Variants in FHIT observed in about 807,000 individuals in gnomAD.
FHIT encodes bis(5'-adenosyl)-triphosphatase.
FHIT carries 19 observed loss-of-function variants against 17.9 expected under a neutral mutation model. The ratio of observed to expected loss-of-function variants is 1.06; its 90% confidence interval spans 0.74 to 1.56. The LOEUF (loss-of-function observed/expected upper bound fraction) is 1.56. Among genes scored for constraint, FHIT ranks in the 40% most tolerant of loss-of-function variants. The pLI is 0.00. For missense variants in FHIT, 248 were observed against 189.2 expected (o/e 1.31, Z -1.82); for synonymous variants, 81 against 69.7 (o/e 1.16, Z -0.81).
chr3:60,204,536 C>A (rs1206713995), intron 5 of FHIT, among the ~76,000 whole-genome samples: 3 of 151,738 alleles, frequency 2.0e-5, no homozygotes, highest in African/African-American at 7.3e-5. Flanking sequence ...AGCAATCTTC[C>A]TGCCTCGGCC....
chr3:60,180,250 G>A (rs989808874), intron 5 of FHIT, among the ~76,000 whole-genome samples: 1 of 152,176 alleles, frequency 6.6e-6, no homozygotes, highest in Non-Finnish European at 1.5e-5. Flanking sequence ...TAAATGAAAA[G>A]TAGAAAAAAT....
At chr3:60,547,026 A>G (rs977836609) in intron 4 of FHIT, among the ~76,000 whole-genome samples, 5 of 152,242 alleles carry the variant, frequency 3.3e-5, no homozygotes, top group African/African-American at 1.2e-4. Flanking sequence ...AAAGCATTAA[A>G]AAGATTAAGA....
At chr3:61,090,055 G>C (rs955514050) in intron 2 of FHIT, among the ~76,000 whole-genome samples, 3 of 152,030 alleles carry the variant, frequency 2.0e-5, no homozygotes, top group African/African-American at 7.2e-5. Context: ...AAATCAAAGA[G>C]GTTTTTATAA....
chr3:60,284,030 G>C (rs992171500), intron 5 of FHIT, among the ~76,000 whole-genome samples: 1 of 151,930 alleles, frequency 6.6e-6, no homozygotes, highest in Non-Finnish European at 1.5e-5. Context: ...CCCAGGGTCA[G>C]TATGAATTAA....
intron 2 of FHIT, among the ~76,000 whole-genome samples, chr3:61,128,585 G>A (rs752362652): frequency 6.6e-6 from 1 of 152,032 alleles, no homozygotes; most frequent in Non-Finnish European, 1.5e-5. Flanking sequence ...TCCTAGTTTG[G>A]TGTTCTCTTT....
At chr3:59,974,432 G>C (rs1386236060) in intron 7 of FHIT, among the ~76,000 whole-genome samples, 2 of 152,080 alleles carry the variant, frequency 1.3e-5, no homozygotes, top group Non-Finnish European at 2.9e-5. Context: ...TCAGCACCAG[G>C]TATTTAGGCC....
At chr3:60,849,672 A>C (rs1703069361) in intron 3 of FHIT, among the ~76,000 whole-genome samples, 2 of 152,030 alleles carry the variant, frequency 1.3e-5, no homozygotes, top group South Asian at 4.1e-4. Context: ...CTGCTTCTAA[A>C]TGCCATTTCT....
chr3:59,747,765 A>T lies in FHIT; in HGVS notation c.*1820T>A, dbSNP rs1291756093. Among the ~76,000 whole-genome samples, 2 of 150,240 alleles carry T rather than the reference A, an allele frequency of 1.3e-5. No individual in the cohort carries two copies. The highest frequency in any genetic ancestry group is 1.3e-4 in the Admixed American group (2 of 15,096). ...CTGACTCTTTGGTTTTCCCCCATGC[A>T]CCTTGTCTTCTTGATATGCCTGCAG... On this transcript the variant is annotated 3_prime_UTR_variant, in exon 10 of 10. Transcript: ENST00000492590.
At chr3:60,618,286 G>C in intron 4 of FHIT, among the ~76,000 whole-genome samples, 1 of 152,114 alleles carries the variant, frequency 6.6e-6, no homozygotes, top group Non-Finnish European at 1.5e-5. Flanking sequence ...CTATTTTCCA[G>C]TTTGAATTAC....
At chr3:60,984,895 A>G (rs1710654286) in intron 3 of FHIT, among the ~76,000 whole-genome samples, 2 of 152,096 alleles carry the variant, frequency 1.3e-5, no homozygotes, top group South Asian at 4.1e-4. Context: ...CCATCATTCA[A>G]ACACATAATG....
chr3:60,848,789 T>G, intron 3 of FHIT, among the ~76,000 whole-genome samples: 1 of 152,172 alleles, frequency 6.6e-6, no homozygotes, highest in Non-Finnish European at 1.5e-5. Context: ...TTTATTGTTA[T>G]GAGTTAAAAT....
intron 5 of FHIT, among the ~76,000 whole-genome samples, chr3:60,302,212 C>T (rs1403193813): frequency 6.6e-6 from 1 of 151,976 alleles, no homozygotes; most frequent in Non-Finnish European, 1.5e-5. Context: ...ATTTTTATCT[C>T]TAAGAGTTCA....
chr3:61,020,663 C>T, intron 3 of FHIT, among the ~76,000 whole-genome samples: 1 of 152,104 alleles, frequency 6.6e-6, no homozygotes, highest in East Asian at 1.9e-4. Flanking sequence ...CAAATTCACA[C>T]ATAACAATAT....
chr3:60,947,570 G>T (rs1708693048), intron 3 of FHIT, among the ~76,000 whole-genome samples: 1 of 152,050 alleles, frequency 6.6e-6, no homozygotes, highest in Admixed American at 6.6e-5. Context: ...TATTCTAATT[G>T]GTTGCATTCA....
intron 2 of FHIT, among the ~76,000 whole-genome samples, chr3:61,180,794 A>G (rs1323642845): frequency 7.2e-5 from 11 of 152,216 alleles, no homozygotes; most frequent in Non-Finnish European, 1.5e-4. Flanking sequence ...TAACAGATAT[A>G]TATGTATATG....
At chr3:61,233,018 AG>A (rs1192064702) in intron 1 of FHIT, among the ~76,000 whole-genome samples, 1 of 152,238 alleles carries the variant, frequency 6.6e-6, no homozygotes, top group Non-Finnish European at 1.5e-5. Context: ...TACAAAGATG[AG>A]GGTATGAGAA....
chr3:60,270,156 T>A (rs1706793178), intron 5 of FHIT, among the ~76,000 whole-genome samples: 1 of 152,070 alleles, frequency 6.6e-6, no homozygotes, highest in Admixed American at 6.6e-5. Context: ...GACTCAGTGG[T>A]CTAAGAGACC....
Position 60,071,632 on chromosome 3 carries a change from A to G in FHIT, c.104-57480T>C, listed in dbSNP as rs533714118. Among the ~76,000 whole-genome samples the G allele has an allele frequency of 5.3e-5, 8 of 152,318 alleles. No homozygotes were observed. In the East Asian group the frequency reaches 1.5e-3, roughly 29 times the overall value. ...TGTCTATCTGTTTATGACCTGCAGC[A>G]AAGTTAGCCAAAATGCTCAAAAGGG... On this transcript the variant is annotated intron_variant, in intron 5 of 9. Transcript: ENST00000492590.
chr3:60,521,465 T>C (rs1210575461), intron 5 of FHIT, among the ~76,000 whole-genome samples: 1 of 152,130 alleles, frequency 6.6e-6, no homozygotes, highest in East Asian at 1.9e-4. Flanking sequence ...GCCAGGATGG[T>C]CTCGATCTGC....
Sources: gnomAD v4.1 joint callset for allele counts (sites outside exome capture counted in the v4.1 genomes callset) on GRCh38, gnomAD v4.1.1 for gene constraint, MANE v1.5 for transcripts, NCBI Gene and HGNC (gene_info 2026-07-23, HGNC 2026-07-21) for gene names.